The following UGT1A6 variants were observed in gnomAD, a reference collection of about 807,000 sequenced individuals.
UGT1A6 encodes UDP glucuronosyltransferase family 1 member A6, also known as UDP-glucuronosyltransferase 1A6.
UGT1A6 carries 32 observed loss-of-function variants against 44.4 expected under a neutral mutation model. That is an observed-to-expected ratio of 0.72 (90% CI 0.54 to 0.97). The LOEUF (loss-of-function observed/expected upper bound fraction) is 0.97, where lower values mean the gene tolerates loss of function less well. Ranked by LOEUF, UGT1A6 falls within the 50% of genes least tolerant of loss-of-function variation. The pLI is 0.00. For synonymous variants in UGT1A6, 238 were observed against 248.5 expected, an observed-to-expected ratio of 0.96 and a Z score of 0.40; for missense variants, 685 against 661.9, an observed-to-expected ratio of 1.03 and a Z score of -0.38.
chr2:233,714,550 T>C (rs1403377657), intron 1 of UGT1A6, among the ~76,000 whole-genome samples: 5 of 152,252 alleles, frequency 3.3e-5, no homozygotes, highest in African/African-American at 7.2e-5. Context: ...AAGTGTCCAA[T>C]AGAAATATCA....
chr2:233,716,275 C>T (rs1026616764), intron 1 of UGT1A6, among the ~76,000 whole-genome samples: 2 of 152,138 alleles, frequency 1.3e-5, no homozygotes, highest in African/African-American at 2.4e-5. Flanking sequence ...ATGTCAAAAC[C>T]CTTAATATAA....
At position 233,769,394 on chromosome 2, in the gene UGT1A6, T is replaced by C; in HGVS notation, c.1301+955T>C. On this transcript the variant is annotated intron_variant, in intron 4 of 4. Transcript: ENST00000305139. The surrounding 1 kb of genome is among the most constrained non-coding windows in gnomAD (Gnocchi z 4.4). The stretch of plus-strand genomic sequence containing the variant: ...ATTTCATCCGACAATAGATACTGTG[T>C]GCATATGTGCGTGTGCGTTTGTGCA... 1 of 1,112,930 alleles carries C rather than the reference T, an allele frequency of 9.0e-7. No homozygotes were observed. Among genetic ancestry groups the C allele is most frequent in the South Asian group, 1.4e-5 (1 of 69,644 alleles). 68.9% of individuals were successfully genotyped at this position (1,112,930 alleles called of 1,614,324 possible).
At chr2:233,768,790 G>T (rs1021832155) in intron 4 of UGT1A6, among the ~76,000 whole-genome samples, 16 of 151,906 alleles carry the variant, frequency 1.1e-4, no homozygotes, top group African/African-American at 3.9e-4. Context: ...CACCATGTTT[G>T]TCAGGCTGGT....
intron 4 of UGT1A6, chr2:233,771,400 G>A (rs1195716316): frequency 6.6e-6 from 1 of 152,152 alleles, no homozygotes; most frequent in Non-Finnish European, 1.5e-5. Flanking sequence ...ATTGGGCAAT[G>A]AACACTGTCC....
rs375883067 is a variant in UGT1A6 at position 233,767,172 on chromosome 2, A to C, written c.993+7A>C. ...GGGCAAAATCCCTCAGACAGTAAGA[A>C]GATTCTATACCATGGCCTCATATCT... On this transcript the variant is annotated splice_region_variant and intron_variant, in intron 2 of 4. Coordinates refer to ENST00000305139, the MANE Select transcript of UGT1A6 (RefSeq NM_001072.4). 4 of 1,613,980 alleles carry C rather than the reference A, an allele frequency of 2.5e-6. No individual in the cohort carries two copies. In the African/African-American group the frequency reaches 5.3e-5, roughly 22 times the overall value.
chr2:233,772,219 A>T, intron 4 of UGT1A6, 43 bp from the exon 5 acceptor site: 6 of 1,612,704 alleles, frequency 3.7e-6, no homozygotes, highest in Non-Finnish European at 5.1e-6. Context: ...GATTGTTCAT[A>T]CCACAGGTGT....
intron 1 of UGT1A6, among the ~76,000 whole-genome samples, chr2:233,720,698 G>A (rs2076882093): frequency 6.6e-6 from 1 of 151,018 alleles, no homozygotes; most frequent in South Asian, 2.1e-4. Context: ...CATTAAGGGA[G>A]CCATCCTTTT....
At chr2:233,743,050 C>T (rs577515653) in intron 1 of UGT1A6, 59 of 318,104 alleles carry the variant, frequency 1.9e-4, no homozygotes, top group South Asian at 1.5e-3. Flanking sequence ...CCGTGTAGTC[C>T]CAACGATAAG....
At chr2:233,713,248 A>G (rs1380028747) in intron 1 of UGT1A6, 1 of 1,614,142 alleles carries the variant, frequency 6.2e-7, no homozygotes, top group Non-Finnish European at 8.5e-7. Context: ...TCATGGACCC[A>G]GGACGAATTT....
intron 1 of UGT1A6, among the ~76,000 whole-genome samples, chr2:233,732,351 ATGAAGTCC>A: frequency 6.6e-6 from 1 of 152,222 alleles, no homozygotes; most frequent in Non-Finnish European, 1.5e-5. Flanking sequence ...TGTTTTAGTC[ATGAAGTCC>A]TGGCCCATGC....
chr2:233,762,228 C>T (rs1312160230), intron 1 of UGT1A6, among the ~76,000 whole-genome samples: 1 of 152,108 alleles, frequency 6.6e-6, no homozygotes, highest in Admixed American at 6.5e-5. Flanking sequence ...AATCTCAGCA[C>T]CTAAGGCACA....
rs1699312675 is a variant in UGT1A6, at chr2:233,767,039, T to C, written c.867T>C (p.Phe289=). The change falls in exon 2 of 5, where the codon TTT becomes TTC. Residue 289 remains phenylalanine, a synonymous_variant. Transcript: ENST00000305139. ...AATTTTTCTTCTGGCTCTAGGAATT[T>C]GAAGCCTACATTAATGCTTCTGGAG... ...CKKRKDLSQE[F]EAYINASGEH... 1 of 1,614,136 alleles carries C rather than the reference T, an allele frequency of 6.2e-7. No homozygotes were observed. The highest frequency in any genetic ancestry group is 1.1e-5 in the South Asian group (1 of 91,058).
At chr2:233,751,260 C>A (rs1187773799) in intron 1 of UGT1A6, among the ~76,000 whole-genome samples, 1 of 151,902 alleles carries the variant, frequency 6.6e-6, no homozygotes, top group Non-Finnish European at 1.5e-5. Context: ...GGGCCTGTAG[C>A]CCCCTTTTTT....
intron 1 of UGT1A6, among the ~76,000 whole-genome samples, chr2:233,752,997 A>G (rs1695105472): frequency 6.6e-6 from 1 of 151,602 alleles, no homozygotes. Context: ...CACTCATTCT[A>G]TCCTACCCAG....
Position 233,693,326 on chromosome 2 carries a change from C to T in UGT1A6, c.322C>T (p.Pro108Ser). ...TGCTGAGCGATCATTCCTAACTGCT[C>T]CTCAGACAGAGTACAGGAATAACAT... ...HFAERSFLTA[P>S]QTEYRNNMIV... Residue 108 changes from proline to serine, a missense_variant, in exon 1 of 5, where the codon CCT (proline) becomes TCT (serine). By Grantham distance (74) the Pro-to-Ser change is moderately conservative. Transcript: ENST00000305139. 6.2e-7 allele frequency: 1 copy of T among 1,614,202 alleles called. No homozygotes were observed. Among genetic ancestry groups the T allele is most frequent in the Non-Finnish European group, 8.5e-7 (1 of 1,180,044 alleles).
intron 1 of UGT1A6, among the ~76,000 whole-genome samples, chr2:233,701,976 G>A (rs1359333208): frequency 6.6e-6 from 1 of 151,918 alleles, no homozygotes; most frequent in Non-Finnish European, 1.5e-5. Context: ...CTAGTAAAAG[G>A]CAAGAAATAA....
intron 1 of UGT1A6, among the ~76,000 whole-genome samples, chr2:233,709,618 G>A (rs1414884854): frequency 6.6e-6 from 1 of 152,156 alleles, no homozygotes; most frequent in Non-Finnish European, 1.5e-5. Flanking sequence ...AAATATAGGT[G>A]TTTTGCTGTG....
At chr2:233,727,612 G>A (rs1475048958) in intron 1 of UGT1A6, among the ~76,000 whole-genome samples, 1 of 152,194 alleles carries the variant, frequency 6.6e-6, no homozygotes, top group Non-Finnish European at 1.5e-5. Flanking sequence ...GAATAGTTCA[G>A]AGGCTGAGAG....
At chr2:233,711,268 G>T (rs1198771284) in intron 1 of UGT1A6, among the ~76,000 whole-genome samples, 1 of 152,206 alleles carries the variant, frequency 6.6e-6, no homozygotes, top group African/African-American at 2.4e-5. Context: ...CCTCCCCAGG[G>T]TCTAGGAGTC....
Sources: gnomAD v4.1 joint callset for allele counts (sites outside exome capture counted in the v4.1 genomes callset) on GRCh38, gnomAD v4.1.1 for gene constraint, Gnocchi (gnomAD v3.1) non-coding constraint, MANE v1.5 for transcripts, NCBI Gene and HGNC (gene_info 2026-07-23, HGNC 2026-07-21) for gene names.